ZEB2: variants seen among roughly 807,000 people sequenced by gnomAD.
The protein encoded by ZEB2 is zinc finger E-box binding homeobox 2.
In ZEB2, 6 loss-of-function variants were observed where a neutral mutation model predicts 99.9. That is an observed-to-expected ratio of 0.06 (90% CI 0.03 to 0.12). ZEB2 has a LOEUF of 0.12. Among genes scored for constraint, ZEB2 ranks in the 10% least tolerant of loss-of-function variants. The pLI is 1.00. For missense variants in ZEB2, 969 were observed against 1,502.8 expected, an observed-to-expected ratio of 0.64 and a Z score of 5.87; for synonymous variants, 517 against 542.5, an observed-to-expected ratio of 0.95 and a Z score of 0.65.
At chr2:144,506,175 A>G (rs983833949) in intron 2 of ZEB2, among the ~76,000 whole-genome samples, 2 of 152,224 alleles carry the variant, frequency 1.3e-5, no homozygotes, top group Non-Finnish European at 2.9e-5. Flanking sequence ...AAGAATCTAC[A>G]TTAATTCTTC....
chr2:144,404,369 T>TGGGGG (rs1300136448), intron 5 of ZEB2, among the ~76,000 whole-genome samples: 1 of 62,384 alleles, frequency 1.6e-5, no homozygotes, highest in Non-Finnish European at 3.8e-5. Context: ...TTTTTTTTTT[T>TGGGGG]GGGGGGGTGG....
intron 4 of ZEB2, among the ~76,000 whole-genome samples, chr2:144,408,883 C>T (rs1703421083): frequency 6.6e-6 from 1 of 152,072 alleles, no homozygotes; most frequent in Non-Finnish European, 1.5e-5. Flanking sequence ...CAATTAAATT[C>T]AATAAATCCC....
At chr2:144,497,132 G>A (rs1277298820) in intron 2 of ZEB2, among the ~76,000 whole-genome samples, 1 of 151,986 alleles carries the variant, frequency 6.6e-6, no homozygotes, top group Non-Finnish European at 1.5e-5. Flanking sequence ...TCACTTGCTG[G>A]TGAAATCCAT....
chr2:144,393,568 T>C (rs1336039074), intron 9 of ZEB2, among the ~76,000 whole-genome samples: 1 of 152,184 alleles, frequency 6.6e-6, no homozygotes, highest in African/African-American at 2.4e-5. Flanking sequence ...TGTAAACAAA[T>C]GAAAGGCTAG....
At chr2:144,421,419 T>C (rs549465100) in intron 4 of ZEB2, among the ~76,000 whole-genome samples, 1 of 152,292 alleles carries the variant, frequency 6.6e-6, no homozygotes, top group East Asian at 1.9e-4. Flanking sequence ...TCCAAAGAGA[T>C]GTCAGGGAGA....
rs1573707132 is a variant in ZEB2, at chr2:144,389,058, T to C, written c.*393A>G. The C allele has an allele frequency of 1.5e-5, 7 of 461,596 alleles. No individual in the cohort carries two copies. The East Asian group carries it at 3.0e-4, about 20-fold the overall frequency. The allele number at this position is 461,596 out of a possible 1,614,324, so 28.6% of individuals were successfully genotyped here. A position where few individuals can be genotyped will look rare whatever the true frequency, so the allele number is the denominator to read the frequency against. ...ATAACAATAATAATAATAAAAATAC[T>C]GATGTATGGTAGTGCGGGCACCTTT... is the stretch of plus-strand genomic sequence containing the variant. On this transcript the variant is annotated 3_prime_UTR_variant, in exon 10 of 10. Coordinates refer to ENST00000627532, the MANE Select transcript of ZEB2 (RefSeq NM_014795.4). The surrounding 1 kb of genome is among the most constrained non-coding windows in gnomAD (Gnocchi z 6.8).
intron 9 of ZEB2, among the ~76,000 whole-genome samples, chr2:144,395,383 GT>G (rs894409044): frequency 2.6e-5 from 4 of 151,686 alleles, no homozygotes; most frequent in African/African-American, 4.9e-5. Context: ...CAAAGTGCTA[GT>G]TTTTTTTCCT....
intron 1 of ZEB2, 43 bp from the exon 2 acceptor site, chr2:144,517,462 C>G (rs886203613): frequency 2.2e-6 from 3 of 1,379,376 alleles, no homozygotes; most frequent in Non-Finnish European, 3.1e-6. Flanking sequence ...CGCCCGCGCC[C>G]ATTGAAACGC....
rs1553960491 is a variant in ZEB2 at position 144,387,054 on chromosome 2, T to TATATATATATAC, written c.*2396_*2397insGTATATATATAT. The TATATATATATAC allele has an allele frequency of 6.8e-6, 1 of 147,428 alleles. No homozygotes were observed. Among genetic ancestry groups the TATATATATATAC allele is most frequent in the African/African-American group, 2.5e-5 (1 of 40,216 alleles). The allele number at this position is 147,428 out of a possible 1,614,324, so 9.1% of individuals were successfully genotyped here. On this transcript the variant is annotated 3_prime_UTR_variant, in exon 10 of 10. Coordinates refer to ENST00000627532, the MANE Select transcript of ZEB2 (RefSeq NM_014795.4). ...GTGTATGTGTGTGTGTGTATATATA[T>TATATATATATAC]ATATATATACACACACACACATACA...
intron 2 of ZEB2, among the ~76,000 whole-genome samples, chr2:144,475,290 T>C (rs771177159): frequency 2.6e-5 from 4 of 152,172 alleles, no homozygotes; most frequent in South Asian, 2.1e-4. Flanking sequence ...TAGGTTCTGA[T>C]TGACATCCTT....
At chr2:144,404,470 C>T (rs1475274795) in intron 5 of ZEB2, among the ~76,000 whole-genome samples, 1 of 151,608 alleles carries the variant, frequency 6.6e-6, no homozygotes, top group Non-Finnish European at 1.5e-5. Context: ...CTCAGGAACT[C>T]ACAGTGTGAA....
At chr2:144,403,859 A>C (rs1234940244) in intron 6 of ZEB2, 57 bp downstream of exon 6, 2 of 1,602,372 alleles carry the variant, frequency 1.2e-6, no homozygotes, top group Non-Finnish European at 8.5e-7. Flanking sequence ...AATCAAAGCA[A>C]TATCGTTTCT....
intron 2 of ZEB2, among the ~76,000 whole-genome samples, chr2:144,442,853 T>TA (rs1355715753): frequency 6.6e-6 from 1 of 152,184 alleles, no homozygotes; most frequent in Non-Finnish European, 1.5e-5. Flanking sequence ...TTTCTGCACA[T>TA]ACATTGCGTG....
intron 4 of ZEB2, among the ~76,000 whole-genome samples, chr2:144,410,580 T>C (rs2149882226): frequency 6.6e-6 from 1 of 152,266 alleles, no homozygotes; most frequent in Admixed American, 6.5e-5. Flanking sequence ...TACTTAAAAG[T>C]GGGCTTTGCT....
At chr2:144,420,099 A>G (rs1468983265) in intron 4 of ZEB2, among the ~76,000 whole-genome samples, 1 of 152,180 alleles carries the variant, frequency 6.6e-6, no homozygotes, top group African/African-American at 2.4e-5. Context: ...TCATTGATTC[A>G]TTCATTCATT....
intron 4 of ZEB2, among the ~76,000 whole-genome samples, chr2:144,408,581 A>C (rs528695484): frequency 6.6e-6 from 1 of 152,350 alleles, no homozygotes; most frequent in East Asian, 1.9e-4. Context: ...GGCTAGAGTT[A>C]AACCTCCCAG....
In ZEB2 at chr2:144,454,620, G is replaced by A. The variant is rs543803327; in HGVS notation, c.74-24594C>T. The stretch of plus-strand genomic sequence containing the variant: ...AATACTTTTGTGAAAACCATGCTCA[G>A]TGAGTATCTATTGTGTTTTGATTAA... On this transcript the variant is annotated intron_variant, in intron 2 of 9. Transcript: ENST00000627532. Among the ~76,000 whole-genome samples the A allele has an allele frequency of 1.1e-4, 16 of 152,312 alleles. No individual in the cohort carries two copies. The East Asian group carries it at 3.1e-3, about 29-fold the overall frequency.
chr2:144,444,254 T>A (rs6719999), intron 2 of ZEB2, among the ~76,000 whole-genome samples: 1,623 of 152,308 alleles, frequency 0.011, 29 homozygotes, highest in African/African-American at 0.038. Context: ...CGTATGCACA[T>A]AACTTTAAGA....
chr2:144,478,889 G>A (rs1339113038), intron 2 of ZEB2, among the ~76,000 whole-genome samples: 2 of 152,112 alleles, frequency 1.3e-5, no homozygotes, highest in South Asian at 4.1e-4. Flanking sequence ...CAATATGTTA[G>A]CCCATGTTTT....
Sources: gnomAD v4.1 joint callset for allele counts (sites outside exome capture counted in the v4.1 genomes callset) on GRCh38, gnomAD v4.1.1 for gene constraint, Gnocchi (gnomAD v3.1) non-coding constraint, MANE v1.5 for transcripts, NCBI Gene and HGNC (gene_info 2026-07-23, HGNC 2026-07-21) for gene names.